SCHIP1: variants seen among roughly 807,000 people sequenced by gnomAD.
The protein encoded by SCHIP1 is schwannomin interacting protein 1.
A neutral mutation model predicts 29.7 loss-of-function variants in SCHIP1; 8 were observed. The ratio of observed to expected loss-of-function variants is 0.27; its 90% confidence interval spans 0.16 to 0.49. The LOEUF (loss-of-function observed/expected upper bound fraction) is 0.49. SCHIP1 is among the 20% of genes least tolerant of loss of function. SCHIP1 has a pLI of 0.99. For missense variants in SCHIP1, 193 were observed against 294.6 expected (o/e 0.66, Z 2.52); for synonymous variants, 76 against 94.9 (o/e 0.80, Z 1.16).
chr3:159,465,881 A>G, the SCHIP1 span, among the ~76,000 whole-genome samples: 3 of 152,200 alleles, frequency 2.0e-5, no homozygotes, highest in East Asian at 1.9e-4. Context: ...GTACATAAAT[A>G]TAACAAACAT....
At chr3:159,794,142 G>T in the SCHIP1 span, among the ~76,000 whole-genome samples, 1 of 152,120 alleles carries the variant, frequency 6.6e-6, no homozygotes, top group Admixed American at 6.5e-5. Flanking sequence ...AGGATGGGGG[G>T]TCATTATTCT....
At chr3:159,431,171 C>A in the SCHIP1 span, among the ~76,000 whole-genome samples, 5 of 151,578 alleles carry the variant, frequency 3.3e-5, no homozygotes, top group African/African-American at 1.2e-4. Context: ...GAGGTGGAAC[C>A]ACAAAGGAGC....
the SCHIP1 span, among the ~76,000 whole-genome samples, chr3:159,514,013 C>T: frequency 6.6e-6 from 1 of 152,156 alleles, no homozygotes; most frequent in African/African-American, 2.4e-5. Context: ...AATTCAGGTG[C>T]AAGACGTGAA....
chr3:159,620,694 C>T, the SCHIP1 span, among the ~76,000 whole-genome samples: 3 of 152,198 alleles, frequency 2.0e-5, no homozygotes, highest in African/African-American at 4.8e-5. Context: ...TCTGTCCTCA[C>T]ACCTGGTGCA....
At chr3:159,277,101 G>A in the SCHIP1 span, among the ~76,000 whole-genome samples, 25 of 152,116 alleles carry the variant, frequency 1.6e-4, no homozygotes, top group South Asian at 5.0e-3. Flanking sequence ...TGCTTCTCTG[G>A]AATGCTGTTT....
the SCHIP1 span, among the ~76,000 whole-genome samples, chr3:159,639,151 G>A: frequency 6.6e-6 from 1 of 152,074 alleles, no homozygotes; most frequent in Non-Finnish European, 1.5e-5. Context: ...AATGAAAGAG[G>A]TGAATGAAGG....
chr3:159,765,167 G>T, the SCHIP1 span: 1 of 1,535,982 alleles, frequency 6.5e-7, no homozygotes. Flanking sequence ...GTGCCCACGC[G>T]CGCACACACG....
chr3:159,866,514 T>C (rs1191713880), intron 2 of SCHIP1, among the ~76,000 whole-genome samples: 1 of 152,168 alleles, frequency 6.6e-6, no homozygotes, highest in Admixed American at 6.6e-5. Context: ...CAGATTTTTA[T>C]ATTCCATTTT....
the SCHIP1 span, among the ~76,000 whole-genome samples, chr3:159,803,307 A>C: frequency 6.6e-6 from 1 of 152,172 alleles, no homozygotes; most frequent in African/African-American, 2.4e-5. Context: ...TAACCATGCA[A>C]CATAGAAAGA....
At chr3:159,421,639 C>G in the SCHIP1 span, among the ~76,000 whole-genome samples, 25,761 of 152,164 alleles carry the variant, frequency 0.17, 2,507 homozygotes, top group South Asian at 0.37. Context: ...TTTTGGTTTA[C>G]AAAAGCTGGC....
the SCHIP1 span, among the ~76,000 whole-genome samples, chr3:159,666,770 G>A: frequency 2.0e-5 from 3 of 152,188 alleles, no homozygotes; most frequent in Non-Finnish European, 2.9e-5. Context: ...TTAAAGAAAT[G>A]TATCATCATG....
the SCHIP1 span, among the ~76,000 whole-genome samples, chr3:159,322,874 G>A: frequency 1.3e-5 from 2 of 152,188 alleles, no homozygotes; most frequent in African/African-American, 4.8e-5. Context: ...GAACAGATAT[G>A]AGGCTATGGA....
the SCHIP1 span, among the ~76,000 whole-genome samples, chr3:159,744,744 G>A: frequency 9.9e-5 from 15 of 152,170 alleles, no homozygotes; most frequent in African/African-American, 2.7e-4. Context: ...TTGGGAGGCC[G>A]AGGCGGGTGG....
At chr3:159,663,768 C>A in the SCHIP1 span, among the ~76,000 whole-genome samples, 1 of 151,950 alleles carries the variant, frequency 6.6e-6, no homozygotes, top group African/African-American at 2.4e-5. Flanking sequence ...GGACAAGCCC[C>A]GGGACAGAAA....
chr3:159,655,824 G>A, the SCHIP1 span, among the ~76,000 whole-genome samples: 2 of 152,218 alleles, frequency 1.3e-5, no homozygotes, highest in African/African-American at 4.8e-5. Context: ...AGGAGGCGGA[G>A]GTTGCAGTGA....
the SCHIP1 span, chr3:159,764,411 C>G: frequency 6.5e-7 from 1 of 1,546,330 alleles, no homozygotes; most frequent in African/African-American, 1.4e-5. The surrounding 1 kb of genome is among the most constrained non-coding windows in gnomAD (Gnocchi z 6.1). Flanking sequence ...CAGGCTTGGC[C>G]CAGCAGCTCA....
At chr3:159,519,870 AAT>A in the SCHIP1 span, among the ~76,000 whole-genome samples, 96 of 148,250 alleles carry the variant, frequency 6.5e-4, no homozygotes, top group African/African-American at 1.9e-3. Flanking sequence ...AGAAAAAAAA[AAT>A]ATATATATAT....
the SCHIP1 span, among the ~76,000 whole-genome samples, chr3:159,829,590 C>T: frequency 5.3e-5 from 8 of 152,152 alleles, no homozygotes; most frequent in Admixed American, 2.0e-4. Context: ...CCCAATTTTT[C>T]GACGTCAGCA....
At chr3:159,528,089 A>G in the SCHIP1 span, among the ~76,000 whole-genome samples, 7 of 152,370 alleles carry the variant, frequency 4.6e-5, no homozygotes, top group East Asian at 1.3e-3. Context: ...ACTTTAAAAA[A>G]TGTTAAAATT....
Sources: allele counts gnomAD v4.1 joint callset (sites outside exome capture counted in the v4.1 genomes callset), GRCh38; gene constraint gnomAD v4.1.1; non-coding constraint Gnocchi (gnomAD v3.1); transcripts MANE v1.5; gene names NCBI Gene and HGNC (gene_info 2026-07-23, HGNC 2026-07-21).